The following HEXIM2 variants were observed in gnomAD, a reference collection of about 807,000 sequenced individuals.
HEXIM2 encodes protein HEXIM2.
For missense variants in HEXIM2, 413 were observed against 390.8 expected, an observed-to-expected ratio of 1.06 and a Z score of -0.48; for synonymous variants, 159 against 162.7, an observed-to-expected ratio of 0.98 and a Z score of 0.17.
At chr17:45,168,958 T>G in intron 3 of HEXIM2, 57 bp from the exon 4 acceptor site, 1 of 1,494,984 alleles carries the variant, frequency 6.7e-7, no homozygotes. Flanking sequence ...GAGGGAAAGG[T>G]TCCACCTCCA....
At position 45,169,175 on chromosome 17, in the gene HEXIM2, G is replaced by C. The variant is rs375887446; in HGVS notation, c.227G>C (p.Ser76Thr). 2.5e-6 allele frequency: 4 copies of C among 1,613,644 alleles called. No homozygotes were observed. Among genetic ancestry groups the C allele is most frequent in the Non-Finnish European group, 3.4e-6 (4 of 1,180,044 alleles). ...AACAGTAGGAGTCCCCGGACCCAGA[G>C]CCCAGGGGGCTGCTCAGCGGAGGCT... is the stretch of plus-strand genomic sequence containing the variant. ...GWNSRSPRTQ[S>T]PGGCSAEAVL... The change falls in exon 4 of 4, where the codon AGC becomes ACC. Residue 76 changes from serine (S) to threonine (T), a missense_variant. Ser to Thr is a moderately conservative substitution (Grantham distance 58). Coordinates refer to ENST00000589230, the MANE Select transcript of HEXIM2 (RefSeq NM_001303441.2).
In HEXIM2 at chr17:45,162,519, G is replaced by A; in HGVS notation, c.-161G>A. On this transcript the variant is annotated 5_prime_UTR_variant, in exon 2 of 4. Transcript: ENST00000589230. ...AGTACAGGACATGAGTCCTGGTGAG[G>A]GACCCGAGGAGCAGGACAGAGAAGA... 3.9e-6 allele frequency: 5 copies of A among 1,292,508 alleles called. No homozygotes were observed. The highest frequency in any genetic ancestry group is 4.9e-6 in the Non-Finnish European group (5 of 1,010,148). The allele number at this position is 1,292,508 out of a possible 1,614,324, so 80.1% of individuals were successfully genotyped here.
At position 45,162,547 on chromosome 17, in the gene HEXIM2, G is replaced by C; in HGVS notation, c.-133G>C. ...CCCGAGGAGCAGGACAGAGAAGACG[G>C]CCCCTGAATCCCATTTGGCCCCTTG... On this transcript the variant is annotated 5_prime_UTR_variant, in exon 2 of 4. Transcript: ENST00000589230. The C allele has an allele frequency of 1.5e-6, 2 of 1,355,366 alleles. No homozygotes were observed. Among genetic ancestry groups the C allele is most frequent in the Non-Finnish European group, 9.5e-7 (1 of 1,049,956 alleles). The allele number at this position is 1,355,366 out of a possible 1,614,324, so 84.0% of individuals were successfully genotyped here.
At chr17:45,168,300 G>A (rs1321502656) in intron 3 of HEXIM2, among the ~76,000 whole-genome samples, 1 of 150,532 alleles carries the variant, frequency 6.6e-6, no homozygotes, top group African/African-American at 2.4e-5. Context: ...TGGCCAACAT[G>A]GTGAAACCCT....
chr17:45,160,739 G>T (rs2042661903), upstream of HEXIM2: 1 of 416,434 alleles, frequency 2.4e-6, no homozygotes, highest in Non-Finnish European at 4.8e-6. Context: ...CGACATGCTA[G>T]GTCAGGTTGT....
At chr17:45,167,142 A>G (rs2042873385) in intron 3 of HEXIM2, among the ~76,000 whole-genome samples, 1 of 151,564 alleles carries the variant, frequency 6.6e-6, no homozygotes, top group Non-Finnish European at 1.5e-5. Context: ...CCTGGCCAAC[A>G]TGGTGAAACC....
At position 45,164,153 on chromosome 17, in the gene HEXIM2, C is replaced by CAA. The variant is rs567736267; in HGVS notation, c.66+1306_66+1307dup. Among the ~76,000 whole-genome samples, 11 of 110,100 alleles carry CAA rather than the reference C, an allele frequency of 1.0e-4. No homozygotes were observed. In the East Asian group the frequency reaches 1.8e-3, roughly 19 times the overall value. The allele number at this position is 110,100 out of a possible 152,430, so 72.2% of individuals were successfully genotyped here. A position where few individuals can be genotyped will look rare whatever the true frequency, so the allele number is the denominator to read the frequency against. ...TTGGGCAACAAGAACAAAACTCTCT[C>CAA]AAAAAAAAAAAAATGCTGGAAGCCG... On this transcript the variant is annotated intron_variant, in intron 3 of 3. Transcript: ENST00000589230.
Position 45,169,167 on chromosome 17 carries a change from G to A in HEXIM2, c.219G>A (p.Arg73=). ...GGLGWNSRSP[R]TQSPGGCSAE... ...TGGGCTGGAACAGTAGGAGTCCCCG[G>A]ACCCAGAGCCCAGGGGGCTGCTCAG... Residue 73 remains arginine (R), a synonymous_variant, in exon 4 of 4, where the codon CGG becomes CGA. Transcript: ENST00000589230. 4.3e-6 allele frequency: 7 copies of A among 1,613,776 alleles called. No homozygotes were observed. Among genetic ancestry groups the A allele is most frequent in the Non-Finnish European group, 4.2e-6 (5 of 1,180,040 alleles).
At chr17:45,167,662 T>C (rs1011882826) in intron 3 of HEXIM2, among the ~76,000 whole-genome samples, 23 of 152,170 alleles carry the variant, frequency 1.5e-4, no homozygotes, top group African/African-American at 5.5e-4. Context: ...AGTCTCACTC[T>C]GTCGCCCAGG....
At chr17:45,160,740 G>A, upstream of HEXIM2, 4 of 418,680 alleles carry the variant, frequency 9.6e-6, no homozygotes, top group South Asian at 3.4e-5. Context: ...GACATGCTAG[G>A]TCAGGTTGTC....
chr17:45,168,376 G>A (rs1018850737), intron 3 of HEXIM2, among the ~76,000 whole-genome samples: 2 of 151,698 alleles, frequency 1.3e-5, no homozygotes, highest in African/African-American at 2.4e-5. Flanking sequence ...CCAGCTACGC[G>A]GGAGGCTGAG....
intron 3 of HEXIM2, among the ~76,000 whole-genome samples, chr17:45,163,524 G>A (rs1198847196): frequency 6.6e-6 from 1 of 152,100 alleles, no homozygotes; most frequent in Non-Finnish European, 1.5e-5. Flanking sequence ...AGGGCATGGA[G>A]GGACTGGGTT....
At chr17:45,166,136 G>A (rs895508851) in intron 3 of HEXIM2, among the ~76,000 whole-genome samples, 1 of 151,512 alleles carries the variant, frequency 6.6e-6, no homozygotes, top group African/African-American at 2.4e-5. Flanking sequence ...GAGAAGGGGA[G>A]TCTTTTTTTT....
chr17:45,168,754 T>G, intron 3 of HEXIM2: 1 of 472,048 alleles, frequency 2.1e-6, no homozygotes, highest in South Asian at 3.4e-5. Context: ...CAGTGCCAGG[T>G]ATTATTCTAG....
chr17:45,169,182 G>A lies in HEXIM2; in HGVS notation c.234G>A (p.Gly78=), dbSNP rs764953150. ...GGAGTCCCCGGACCCAGAGCCCAGG[G>A]GGCTGCTCAGCGGAGGCTGTGCTGG... is the stretch of plus-strand genomic sequence containing the variant. ...NSRSPRTQSP[G]GCSAEAVLAR... Residue 78 remains glycine, a synonymous_variant, in exon 4 of 4, where the codon GGG becomes GGA. Transcript: ENST00000589230. 1.4e-5 allele frequency: 23 copies of A among 1,613,634 alleles called. No homozygotes were observed. The highest frequency in any genetic ancestry group is 1.9e-5 in the Non-Finnish European group (22 of 1,180,052).
At chr17:45,168,345 T>C (rs1457158128) in intron 3 of HEXIM2, among the ~76,000 whole-genome samples, 1 of 150,864 alleles carries the variant, frequency 6.6e-6, no homozygotes, top group Non-Finnish European at 1.5e-5. Flanking sequence ...TAGCCAGGCG[T>C]GGTGGCACGT....
Position 45,162,787 on chromosome 17 carries a change from A to G in HEXIM2, c.-7A>G. On this transcript the variant is annotated 5_prime_UTR_variant, in exon 3 of 4. Coordinates refer to ENST00000589230, the MANE Select transcript of HEXIM2 (RefSeq NM_001303441.2). ...CCAGGCGTCTGCTGAAAGATTTGGAACAGAAGATGATGGCCACTCCGAACC... is the reference window on the plus strand; with the variant it reads ...CCAGGCGTCTGCTGAAAGATTTGGAGCAGAAGATGATGGCCACTCCGAACC... The G allele has an allele frequency of 1.2e-6, 2 of 1,613,900 alleles. No homozygotes were observed. Among genetic ancestry groups the G allele is most frequent in the East Asian group, 2.2e-5 (1 of 44,878 alleles).
chr17:45,161,263 A>C, upstream of HEXIM2: 1 of 339,164 alleles, frequency 2.9e-6, no homozygotes, highest in Non-Finnish European at 5.9e-6. Context: ...TTACCGAAGA[A>C]CCCCGCACTC....
In HEXIM2 at chr17:45,169,258, C is replaced by A. The variant is rs1290923270; in HGVS notation, c.310C>A (p.Pro104Thr). Residue 104 changes from proline (P) to threonine (T), a missense_variant, in exon 4 of 4, where the codon CCC becomes ACC. Transcript: ENST00000589230. The stretch of plus-strand genomic sequence containing the variant: ...ATCGAAGCGCAAAAGGCACTGGCGA[C>A]CCTACCTGGAGCTGAGCTGGGCTGA... ...RPSKRKRHWR[P>T]YLELSWAEKQ... The A allele has an allele frequency of 6.2e-7, 1 of 1,613,812 alleles. No homozygotes were observed. Among genetic ancestry groups the A allele is most frequent in the South Asian group, 1.1e-5 (1 of 91,082 alleles).
Sources: gnomAD v4.1 joint callset for allele counts (sites outside exome capture counted in the v4.1 genomes callset) on GRCh38, gnomAD v4.1.1 for gene constraint, MANE v1.5 for transcripts, NCBI Gene and HGNC (gene_info 2026-07-23, HGNC 2026-07-21) for gene names.